Variants in ANKRD34B observed in about 807,000 individuals in gnomAD.
The protein encoded by ANKRD34B is ankyrin repeat domain-containing protein 34B.
ANKRD34B carries 2 observed loss-of-function variants against 4.4 expected under a neutral mutation model. The ratio of observed to expected loss-of-function variants is 0.46; its 90% CI spans 0.19 to 1.44. The LOEUF (loss-of-function observed/expected upper bound fraction) is 1.44. Among genes scored for constraint, ANKRD34B ranks in the 40% most tolerant of loss-of-function variants. The probability of loss-of-function intolerance (pLI) is 0.26; values close to 1 mark genes in which losing one functional copy is unlikely to be tolerated. For missense variants in ANKRD34B, 558 were observed against 604.7 expected (o/e 0.92, Z 0.81); for synonymous variants, 226 against 227.1 (o/e 0.99, Z 0.05).
chr5:80,568,925 C>CACACACACACAGAGAGAGAGAGAGAGAG, intron 2 of ANKRD34B, 35 bp downstream of exon 2: 6 of 49,896 alleles, frequency 1.2e-4, no homozygotes, highest in Non-Finnish European at 2.0e-4. Flanking sequence ...CACACACACA[C>CACACACACACAGAGAGAGAGAGAGAGAG]AGAGAGAGAG....
chr5:80,567,535 C>T (rs1746605664), intron 2 of ANKRD34B, among the ~76,000 whole-genome samples: 2 of 146,594 alleles, frequency 1.4e-5, no homozygotes, highest in South Asian at 4.4e-4. Context: ...GCAGGAGAAT[C>T]ACTTGAACTC....
At chr5:80,563,957 T>G (rs1746485686) in intron 3 of ANKRD34B, 142 bp from the exon 4 acceptor site, 3 of 152,198 alleles carry the variant, frequency 2.0e-5, no homozygotes, top group African/African-American at 7.2e-5. Flanking sequence ...ACTTAGTAAT[T>G]GCAATTCAAT....
chr5:80,559,957 G>T lies in ANKRD34B; in HGVS notation c.63C>A (p.Ser21Arg). The change falls in exon 5 of 5, where the codon AGC becomes AGA. Residue 21 changes from serine to arginine, a missense_variant. Physicochemically the swap from Ser to Arg is moderately radical, Grantham distance 110. Transcript: ENST00000338682. ...GCAAAAGTCTTGTGAGGCGAAGCCG[G>T]CTCTGATGGACTGCTTTGATCAAGG... The part of the protein sequence containing the change: ...GNSLIKAVHQ[S>R]RLRLTRLLLE... 1 of 1,613,450 alleles carries T rather than the reference G, an allele frequency of 6.2e-7. No homozygotes were observed. Among genetic ancestry groups the T allele is most frequent in the Non-Finnish European group, 8.5e-7 (1 of 1,179,748 alleles).
intron 2 of ANKRD34B, among the ~76,000 whole-genome samples, chr5:80,567,222 G>A (rs1284555181): frequency 6.6e-6 from 1 of 152,330 alleles, no homozygotes; most frequent in East Asian, 1.9e-4. Context: ...TCACATGGCA[G>A]TGCTGCATGA....
chr5:80,567,621 CAAA>C (rs111603222), intron 2 of ANKRD34B, among the ~76,000 whole-genome samples: 26 of 50,536 alleles, frequency 5.1e-4, no homozygotes, highest in Admixed American at 8.7e-4. Context: ...GACTCCGTCT[CAAA>C]AAAAAAAAAA....
intron 1 of ANKRD34B, among the ~76,000 whole-genome samples, chr5:80,569,927 G>C (rs1018259862): frequency 2.0e-5 from 3 of 152,196 alleles, no homozygotes; most frequent in African/African-American, 7.2e-5. Flanking sequence ...CCTGCAGCCC[G>C]GCGGCCCTCG....
Position 80,558,375 on chromosome 5 carries a change from C to G in ANKRD34B, c.*100G>C, listed in dbSNP as rs1746308519. 1 of 962,580 alleles carries G rather than the reference C, an allele frequency of 1.0e-6. No homozygotes were observed. The highest frequency in any genetic ancestry group is 1.5e-6 in the Non-Finnish European group (1 of 658,270). The allele number at this position is 962,580 out of a possible 1,614,324, so 59.6% of individuals were successfully genotyped here. A position where few individuals can be genotyped will look rare whatever the true frequency, so the allele number is the denominator to read the frequency against. On this transcript the variant is annotated 3_prime_UTR_variant, in exon 5 of 5. Transcript: ENST00000338682. The stretch of plus-strand genomic sequence containing the variant: ...ATCCATCTAGCCATTATGGACTAAC[C>G]AATCACGAGATTTAAAAGAATGAAC...
At chr5:80,562,660 C>T (rs995000258) in intron 4 of ANKRD34B, among the ~76,000 whole-genome samples, 2 of 152,144 alleles carry the variant, frequency 1.3e-5, no homozygotes, top group Non-Finnish European at 2.9e-5. Context: ...GGTGCCACCG[C>T]GCCCAGCCTG....
Position 80,559,555 on chromosome 5 carries a change from C to T in ANKRD34B, c.465G>A (p.Lys155=), listed in dbSNP as rs1345021269. ...TAGTAGTATGCTTCCCACAGGGCAA[C>T]TTTGCTGTTGTGATGATGATGACCT... ...GKEVIIITTA[K]LPCGKHTTKQ... The change falls in exon 5 of 5, where the codon AAG becomes AAA. Residue 155 remains lysine (K), a synonymous_variant. Transcript: ENST00000338682. 2 of 1,614,046 alleles carry T rather than the reference C, an allele frequency of 1.2e-6. No homozygotes were observed. The highest frequency in any genetic ancestry group is 1.7e-5 in the Admixed American group (1 of 60,000).
chr5:80,565,097 T>C (rs1746526104), intron 3 of ANKRD34B, among the ~76,000 whole-genome samples: 1 of 152,252 alleles, frequency 6.6e-6, no homozygotes, highest in African/African-American at 2.4e-5. Flanking sequence ...TACTTTATTC[T>C]CCAAATGTAC....
chr5:80,559,133 C>G lies in ANKRD34B; in HGVS notation c.887G>C (p.Ser296Thr). 1 of 1,614,178 alleles carries G rather than the reference C, an allele frequency of 6.2e-7. No homozygotes were observed. The highest frequency in any genetic ancestry group is 8.5e-7 in the Non-Finnish European group (1 of 1,180,038). Reference sequence around the variant, plus strand: ...ATGTGCAGTGTCTTTTACATCAATGCTTTGGTGCCTAGTGATGAACCGCTT... The same window carrying G: ...ATGTGCAGTGTCTTTTACATCAATGGTTTGGTGCCTAGTGATGAACCGCTT... ...LSKRFITRHQ[S>T]IDVKDTAHLL... The change falls in exon 5 of 5, where the codon AGC becomes ACC. Residue 296 changes from serine (S) to threonine (T), a missense_variant. Coordinates refer to ENST00000338682, the MANE Select transcript of ANKRD34B (RefSeq NM_001004441.3).
intron 3 of ANKRD34B, among the ~76,000 whole-genome samples, chr5:80,564,935 C>T (rs1056243127): frequency 3.3e-5 from 5 of 152,198 alleles, no homozygotes; most frequent in Admixed American, 6.5e-5. Context: ...GAATTCCCAA[C>T]CTCAGGTGAT....
rs111603222 is a variant in ANKRD34B, at chr5:80,567,621, C to CAAAAAA, written c.-190-853_-190-848dup. On this transcript the variant is annotated intron_variant, in intron 2 of 4. Coordinates refer to ENST00000338682, the MANE Select transcript of ANKRD34B (RefSeq NM_001004441.3). ...GGGTGACAAAAGCAAGACTCCGTCT[C>CAAAAAA]AAAAAAAAAAAAAAAGAAAAGAAAA... Among the ~76,000 whole-genome samples, 82 of 50,512 alleles carry CAAAAAA rather than the reference C, an allele frequency of 1.6e-3. 2 individuals are homozygous for CAAAAAA. The highest frequency in any genetic ancestry group is 4.5e-3 in the South Asian group (6 of 1,328). 33.1% of individuals were successfully genotyped at this position (50,512 alleles called of 152,430 possible). A position where few individuals can be genotyped will look rare whatever the true frequency, so the allele number is the denominator to read the frequency against.
chr5:80,559,744 G>A lies in ANKRD34B; in HGVS notation c.276C>T (p.Cys92=), dbSNP rs752084873. The change falls in exon 5 of 5, where the codon TGC becomes TGT. Residue 92 remains cysteine (C), a synonymous_variant. Transcript: ENST00000338682. ...KSGKTALMHA[C]LEKAGPEVVS... ...CAACTTCAGGGCCAGCTTTTTCTAA[G>A]CAAGCATGCATCAGAGCCGTTTTCC... is the stretch of plus-strand genomic sequence containing the variant. 2 of 1,614,066 alleles carry A rather than the reference G, an allele frequency of 1.2e-6. No homozygotes were observed. The highest frequency in any genetic ancestry group is 2.7e-5 in the African/African-American group (2 of 74,920).
chr5:80,566,612 C>G (rs781446744), intron 3 of ANKRD34B, 77 bp downstream of exon 3: 1 of 152,542 alleles, frequency 6.6e-6, no homozygotes, highest in Non-Finnish European at 1.5e-5. Flanking sequence ...AAATATCTGT[C>G]GATACATGAA....
At chr5:80,561,109 T>C (rs1344479600) in intron 4 of ANKRD34B, among the ~76,000 whole-genome samples, 1 of 152,230 alleles carries the variant, frequency 6.6e-6, no homozygotes, top group Non-Finnish European at 1.5e-5. Context: ...ATCCAGACTT[T>C]GTAAACATTT....
At chr5:80,567,342 G>A (rs1016559890) in intron 2 of ANKRD34B, among the ~76,000 whole-genome samples, 6 of 151,858 alleles carry the variant, frequency 4.0e-5, no homozygotes, top group Non-Finnish European at 8.8e-5. Context: ...AAAAGTGGCC[G>A]GGCATGGTGG....
chr5:80,559,314 C>T lies in ANKRD34B; in HGVS notation c.706G>A (p.Ala236Thr). Reference protein sequence around the residue: ...PGSPVRKPALAPKGPKLPHAP... With the variant: ...PGSPVRKPALTPKGPKLPHAP... ...TGGGGGAGCTTGGGCCCCTTAGGGGCCAATGCAGGTTTCCTCACAGGGGAA... is the reference window on the plus strand; with the variant it reads ...TGGGGGAGCTTGGGCCCCTTAGGGGTCAATGCAGGTTTCCTCACAGGGGAA... Residue 236 changes from alanine to threonine, a missense_variant, in exon 5 of 5, where the codon GCC becomes ACC. Coordinates refer to ENST00000338682, the MANE Select transcript of ANKRD34B (RefSeq NM_001004441.3). 1 of 1,614,084 alleles carries T rather than the reference C, an allele frequency of 6.2e-7. No individual in the cohort carries two copies. The highest frequency in any genetic ancestry group is 1.3e-5 in the African/African-American group (1 of 75,018).
chr5:80,557,519 A>G lies in ANKRD34B; in HGVS notation c.*956T>C, dbSNP rs947471188. The G allele has an allele frequency of 6.6e-6, 1 of 151,800 alleles. No homozygotes were observed. The highest frequency in any genetic ancestry group is 1.9e-4 in the East Asian group (1 of 5,202). 9.4% of individuals were successfully genotyped at this position (151,800 alleles called of 1,614,324 possible). A position where few individuals can be genotyped will look rare whatever the true frequency, so the allele number is the denominator to read the frequency against. On this transcript the variant is annotated 3_prime_UTR_variant, in exon 5 of 5. Coordinates refer to ENST00000338682, the MANE Select transcript of ANKRD34B (RefSeq NM_001004441.3). ...TCAGTTTTTCTTTTTAAAAGAAGGC[A>G]AGCGCTTAGTTTTTATCCATGATGA...
Sources: gnomAD v4.1 joint callset for allele counts (sites outside exome capture counted in the v4.1 genomes callset) on GRCh38, gnomAD v4.1.1 for gene constraint, MANE v1.5 for transcripts, NCBI Gene and HGNC (gene_info 2026-07-23, HGNC 2026-07-21) for gene names.